Variants in ATAD3B observed in about 807,000 individuals in gnomAD.
ATAD3B encodes the protein ATPase family AAA domain-containing protein 3B.
In ATAD3B, 59 loss-of-function variants were observed where a neutral mutation model predicts 70.2. The ratio of observed to expected loss-of-function variants is 0.84; its 90% CI spans 0.68 to 1.04. The LOEUF (loss-of-function observed/expected upper bound fraction) is 1.04. Among genes scored for constraint, ATAD3B ranks in the 50% least tolerant of loss-of-function variants. The pLI is 0.00. For missense variants in ATAD3B, 961 were observed against 913.4 expected (o/e 1.05, Z -0.67); for synonymous variants, 423 against 388.6 (o/e 1.09, Z -1.04).
rs1483062086 is a variant in ATAD3B, at chr1:1,485,166, A to G, written c.901A>G (p.Ile301Val). The G allele has an allele frequency of 6.2e-7, 1 of 1,610,290 alleles. No individual in the cohort carries two copies. Among genetic ancestry groups the G allele is most frequent in the Admixed American group, 1.7e-5 (1 of 59,910 alleles). ...GGTGCTGGAGGCGCTGCGGCACCCC[A>G]TCCAGGTAGCGGCGCAGGCCTGGCC... ...ITVLEALRHP[I>V]QVSRRLLSRP... Residue 301 changes from isoleucine to valine, a missense_variant, in exon 8 of 16, where the codon ATC becomes GTC. By Grantham distance (29) the Ile-to-Val change is conservative (BLOSUM62 3). Transcript: ENST00000673477.
At position 1,485,956 on chromosome 1, in the gene ATAD3B, A is replaced by G. The variant is rs542184484; in HGVS notation, c.963+118A>G. 4.6e-5 allele frequency: 73 copies of G among 1,596,466 alleles called. 2 individuals are homozygous for G. In the African/African-American group the frequency reaches 5.5e-4, roughly 12 times the overall value. On this transcript the variant is annotated intron_variant, in intron 9 of 15. Transcript: ENST00000673477. ...CAGGAGCTTTTGGGTCCTGAGATGC[A>G]ACTGCTTGGACTGTGCCGGGGATAG...
downstream of ATAD3B, among the ~76,000 whole-genome samples, chr1:1,501,606 C>T (rs558616883): frequency 6.6e-6 from 1 of 152,046 alleles, no homozygotes; most frequent in African/African-American, 2.4e-5. Flanking sequence ...GACCAGGCTG[C>T]TCCTGAACTC....
intron 10 of ATAD3B, 144 bp from the exon 11 acceptor site, chr1:1,486,400 C>T (rs1640218216): frequency 6.3e-7 from 1 of 1,583,066 alleles, no homozygotes; most frequent in Non-Finnish European, 8.6e-7. Flanking sequence ...TCCCATCTTC[C>T]AGGCGGGGGA....
At chr1:1,493,650 G>T (rs996675474) in intron 15 of ATAD3B, among the ~76,000 whole-genome samples, 2 of 151,658 alleles carry the variant, frequency 1.3e-5, no homozygotes, top group South Asian at 2.1e-4. Flanking sequence ...ATAAAAGTGT[G>T]TTGAATTTTG....
At chr1:1,483,051 T>G (rs1640007569) in intron 7 of ATAD3B, 1 of 455,266 alleles carries the variant, frequency 2.2e-6, no homozygotes. Context: ...TCCCAGCATT[T>G]TCGGAGGCGG....
chr1:1,500,052 C>T (rs1640911154), downstream of ATAD3B, among the ~76,000 whole-genome samples: 1 of 151,430 alleles, frequency 6.6e-6, no homozygotes, highest in Admixed American at 6.6e-5. Context: ...CACAGGTGGA[C>T]ACGCCCGGCT....
chr1:1,483,103 G>C (rs554273545), intron 7 of ATAD3B: 1 of 451,584 alleles, frequency 2.2e-6, no homozygotes, highest in Admixed American at 2.4e-5. Context: ...GATCATCCTG[G>C]TAAGAGTGAA....
rs1036304422 is a variant in ATAD3B at position 1,495,402 on chromosome 1, C to G, written c.1615-83C>G. Reference sequence around the variant, plus strand: ...TTGTCCTGGTGCCCCTGGTTTGGCCCCTCCCCACCTCGGGGCCCTGGCGTG... The same window carrying G: ...TTGTCCTGGTGCCCCTGGTTTGGCCGCTCCCCACCTCGGGGCCCTGGCGTG... On this transcript the variant is annotated intron_variant, in intron 15 of 15. Transcript: ENST00000673477. 33 of 1,511,586 alleles carry G rather than the reference C, an allele frequency of 2.2e-5. 1 individual carries two copies. In the African/African-American group the frequency reaches 4.0e-4, roughly 19 times the overall value. The allele number at this position is 1,511,586 out of a possible 1,614,324, so 93.6% of individuals were successfully genotyped here.
At chr1:1,482,390 G>C in intron 6 of ATAD3B, 87 bp downstream of exon 6, 1 of 1,582,548 alleles carries the variant, frequency 6.3e-7, no homozygotes, top group East Asian at 2.3e-5. Context: ...AGCTCTTCCA[G>C]GCCTGGCCGC....
downstream of ATAD3B, among the ~76,000 whole-genome samples, chr1:1,502,670 C>A (rs1285501707): frequency 6.6e-6 from 1 of 151,154 alleles, no homozygotes; most frequent in Non-Finnish European, 1.5e-5. Context: ...GGCCGACATG[C>A]CCGGCTAATT....
rs910019012 is a variant in ATAD3B at position 1,496,141 on chromosome 1, C to T, written c.*324C>T. The stretch of plus-strand genomic sequence containing the variant: ...GTCTGAGGCCGCCCTGTCAGCTGGC[C>T]GGTCCAAGCCTGTGGCTGGAGCTGG... On this transcript the variant is annotated 3_prime_UTR_variant, in exon 16 of 16. Transcript: ENST00000673477. The T allele has an allele frequency of 1.3e-3, 1,432 of 1,106,064 alleles. 19 individuals carry two copies. Among genetic ancestry groups the T allele is most frequent in the Non-Finnish European group, 1.5e-3 (1,390 of 905,796 alleles). The allele number at this position is 1,106,064 out of a possible 1,614,324, so 68.5% of individuals were successfully genotyped here.
At position 1,497,243 on chromosome 1, in the gene ATAD3B, C is replaced by A. The variant is rs368171187; in HGVS notation, c.*1426C>A. On this transcript the variant is annotated 3_prime_UTR_variant, in exon 16 of 16. Transcript: ENST00000673477. The stretch of plus-strand genomic sequence containing the variant: ...TTTTCCTTTTAGAGATGGGTTCTTA[C>A]TCTGAGCCCAGGCTGGAGTGCAGTG... 6.6e-6 allele frequency: 1 copy of A among 151,234 alleles called. No homozygotes were observed. Among genetic ancestry groups the A allele is most frequent in the African/African-American group, 2.4e-5 (1 of 40,930 alleles). 9.4% of individuals were successfully genotyped at this position (151,234 alleles called of 1,614,324 possible). A position where few individuals can be genotyped will look rare whatever the true frequency, so the allele number is the denominator to read the frequency against.
At chr1:1,474,635 G>C (rs1242731586) in intron 1 of ATAD3B, among the ~76,000 whole-genome samples, 1 of 152,010 alleles carries the variant, frequency 6.6e-6, no homozygotes, top group Non-Finnish European at 1.5e-5. Context: ...GAGTAGCTGG[G>C]ATCACAGGCG....
downstream of ATAD3B, among the ~76,000 whole-genome samples, chr1:1,499,546 T>G (rs1640896657): frequency 6.7e-6 from 1 of 149,766 alleles, no homozygotes; most frequent in Non-Finnish European, 1.5e-5. Flanking sequence ...ATAGATATTA[T>G]GTCTTCTATT....
At chr1:1,495,317 A>C (rs373968684) in intron 15 of ATAD3B, among the ~76,000 whole-genome samples, 168 bp from the exon 16 acceptor site, 1 of 151,960 alleles carries the variant, frequency 6.6e-6, no homozygotes, top group Non-Finnish European at 1.5e-5. Flanking sequence ...GGCCGCTCCC[A>C]GTGTCCACAC....
intron 7 of ATAD3B, 48 bp downstream of exon 7, chr1:1,482,662 T>C (rs1470222868): frequency 1.9e-6 from 3 of 1,611,970 alleles, no homozygotes; most frequent in East Asian, 2.2e-5. Flanking sequence ...AGAGGCAGCA[T>C]GTGGGGGCCT....
chr1:1,482,703 T>G, intron 7 of ATAD3B, 89 bp downstream of exon 7: 1 of 1,594,154 alleles, frequency 6.3e-7, no homozygotes, highest in Admixed American at 1.7e-5. Flanking sequence ...CCCTGCCGGC[T>G]CTGCACAGCC....
rs1005664633 is a variant in ATAD3B at position 1,480,717 on chromosome 1, G to A, written c.445-150G>A. 125 of 1,423,238 alleles carry A rather than the reference G, an allele frequency of 8.8e-5. 10 individuals are homozygous for A. The African/African-American group carries it at 1.7e-3, about 19-fold the overall frequency. 88.2% of individuals were successfully genotyped at this position (1,423,238 alleles called of 1,614,324 possible). A position where few individuals can be genotyped will look rare whatever the true frequency, so the allele number is the denominator to read the frequency against. ...ACTGCCGTCCCAGCCGATGTCACCC[G>A]TGTCTGTGTCAGGGTGCGGCGTCTG... On this transcript the variant is annotated intron_variant, in intron 4 of 15. Coordinates refer to ENST00000673477, the MANE Select transcript of ATAD3B (RefSeq NM_031921.6).
intron 11 of ATAD3B, 99 bp downstream of exon 11, chr1:1,486,767 C>T (rs1640244753): frequency 6.7e-7 from 1 of 1,484,022 alleles, no homozygotes; most frequent in Non-Finnish European, 9.0e-7. Flanking sequence ...CCCTGTCTTT[C>T]TGCAGCTCTG....
Sources: allele counts gnomAD v4.1 joint callset (sites outside exome capture counted in the v4.1 genomes callset), GRCh38; gene constraint gnomAD v4.1.1; transcripts MANE v1.5; gene names NCBI Gene and HGNC (gene_info 2026-07-23, HGNC 2026-07-21).